The following PDE1A variants were observed in gnomAD, a reference collection of about 807,000 sequenced individuals.
The protein encoded by PDE1A is dual specificity calcium/calmodulin-dependent 3',5'-cyclic nucleotide phosphodiesterase 1A.
PDE1A carries 35 observed loss-of-function variants against 61.7 expected under a neutral mutation model. That is an observed-to-expected ratio of 0.57 (90% CI 0.43 to 0.75). PDE1A has a LOEUF of 0.75. Ranked by LOEUF, PDE1A falls within the 30% of genes least tolerant of loss-of-function variation. The probability of loss-of-function intolerance (pLI) is 0.00; values close to 1 mark genes in which losing one functional copy is unlikely to be tolerated. For missense variants in PDE1A, 597 were observed against 630.6 expected (o/e 0.95, Z 0.57); for synonymous variants, 232 against 213.2 (o/e 1.09, Z -0.77).
the PDE1A span, among the ~76,000 whole-genome samples, chr2:182,567,156 G>A: frequency 3.3e-5 from 5 of 152,150 alleles, no homozygotes; most frequent in African/African-American, 4.8e-5. Context: ...ATGCCATCTC[G>A]TAACAATTTG....
intron 1 of PDE1A, among the ~76,000 whole-genome samples, chr2:182,418,474 C>A (rs566655577): frequency 6.6e-6 from 1 of 152,262 alleles, no homozygotes; most frequent in African/African-American, 2.4e-5. Context: ...GACTACACTG[C>A]TTCATTCATA....
intron 2 of PDE1A, among the ~76,000 whole-genome samples, chr2:182,498,045 CAAAAAAAAA>C (rs57707793): frequency 1.7e-4 from 11 of 64,320 alleles, no homozygotes; most frequent in East Asian, 4.5e-4. Flanking sequence ...GATTGCGTCT[CAAAAAAAAA>C]AAAAAAAAAA....
the PDE1A span, among the ~76,000 whole-genome samples, chr2:182,610,629 T>C: frequency 6.6e-6 from 1 of 152,176 alleles, no homozygotes; most frequent in African/African-American, 2.4e-5. Flanking sequence ...GAAAATCTTT[T>C]ATTTAAATCA....
chr2:182,212,846 G>A (rs1184981552), intron 7 of PDE1A, among the ~76,000 whole-genome samples: 3 of 152,222 alleles, frequency 2.0e-5, no homozygotes, highest in South Asian at 2.1e-4. Flanking sequence ...GGGGAGGGGC[G>A]CCTGCCATTG....
chr2:182,302,825 A>G (rs1309346164), intron 1 of PDE1A, among the ~76,000 whole-genome samples: 1 of 152,088 alleles, frequency 6.6e-6, no homozygotes, highest in African/African-American at 2.4e-5. Flanking sequence ...AAGTTTTTGT[A>G]ATATTCTAAA....
chr2:182,582,302 T>C, the PDE1A span, among the ~76,000 whole-genome samples: 1 of 152,178 alleles, frequency 6.6e-6, no homozygotes, highest in South Asian at 2.1e-4. Flanking sequence ...GGCATAAAAA[T>C]TGATCAATGT....
upstream of PDE1A, among the ~76,000 whole-genome samples, chr2:182,429,767 A>G (rs1360465328): frequency 6.6e-6 from 1 of 152,126 alleles, no homozygotes; most frequent in Non-Finnish European, 1.5e-5. Flanking sequence ...GAGAAAAGGT[A>G]AGCTTTTCTT....
At chr2:182,598,810 C>T in the PDE1A span, among the ~76,000 whole-genome samples, 48 of 152,292 alleles carry the variant, frequency 3.2e-4, no homozygotes, top group African/African-American at 1.0e-3. Flanking sequence ...ACTATTACTG[C>T]GTAACAAATA....
intron 10 of PDE1A, among the ~76,000 whole-genome samples, chr2:182,194,458 G>A (rs1685967765): frequency 6.6e-6 from 1 of 152,076 alleles, no homozygotes; most frequent in Non-Finnish European, 1.5e-5. Flanking sequence ...CTGTCAGTAG[G>A]TGTGTTGATC....
intron 11 of PDE1A, 142 bp from the exon 12 acceptor site, chr2:182,186,730 G>T (rs1685237708): frequency 4.1e-6 from 3 of 732,216 alleles, no homozygotes; most frequent in Non-Finnish European, 6.7e-6. Flanking sequence ...CTTACCCTTT[G>T]TATTGTTTTA....
chr2:182,511,968 A>C (rs764328914), intron 2 of PDE1A, among the ~76,000 whole-genome samples: 41 of 152,114 alleles, frequency 2.7e-4, no homozygotes, highest in South Asian at 4.1e-4. Flanking sequence ...CCCAACATAC[A>C]TGCGTGGACC....
the PDE1A span, among the ~76,000 whole-genome samples, chr2:182,584,359 A>G: frequency 2.6e-5 from 4 of 152,314 alleles, no homozygotes; most frequent in Admixed American, 2.0e-4. Flanking sequence ...AGCCACAAGG[A>G]GTTGCAGAGA....
chr2:182,186,208 G>T, intron 12 of PDE1A, 129 bp from the exon 13 acceptor site: 1 of 953,320 alleles, frequency 1.0e-6, no homozygotes, highest in Non-Finnish European at 1.6e-6. Flanking sequence ...TTCTGAGCAC[G>T]TGGCAGCTGC....
chr2:182,626,731 A>G, the PDE1A span, among the ~76,000 whole-genome samples: 263 of 6,150 alleles, frequency 0.043, 28 homozygotes, highest in Middle Eastern at 0.38. Context: ...ATATATATAT[A>G]TATATACATA....
the PDE1A span, among the ~76,000 whole-genome samples, chr2:182,671,994 C>T: frequency 2.6e-5 from 4 of 152,096 alleles, no homozygotes; most frequent in African/African-American, 4.8e-5. Flanking sequence ...AGCTCCTCCT[C>T]GAATTCTGCC....
At chr2:182,237,442 C>T (rs1232255336) in intron 3 of PDE1A, among the ~76,000 whole-genome samples, 3 of 152,148 alleles carry the variant, frequency 2.0e-5, no homozygotes, top group Non-Finnish European at 4.4e-5. Flanking sequence ...CAAGCCACTG[C>T]ACTCCAGCCT....
chr2:182,374,389 C>T (rs528970689), intron 1 of PDE1A, among the ~76,000 whole-genome samples: 20 of 151,960 alleles, frequency 1.3e-4, no homozygotes, highest in Admixed American at 4.6e-4. Flanking sequence ...AAAGAAAATA[C>T]AGGAAAATCT....
At chr2:182,540,022 T>C in the PDE1A span, among the ~76,000 whole-genome samples, 3 of 152,158 alleles carry the variant, frequency 2.0e-5, no homozygotes, top group Non-Finnish European at 4.4e-5. Context: ...GACATTGACC[T>C]AAAGTTCCAC....
At chr2:182,177,480 G>A (rs1187638440) in intron 13 of PDE1A, among the ~76,000 whole-genome samples, 1 of 152,124 alleles carries the variant, frequency 6.6e-6, no homozygotes, top group African/African-American at 2.4e-5. Context: ...GCATAGAGGT[G>A]TTTGTAGTAT....
Sources: allele counts gnomAD v4.1 joint callset (sites outside exome capture counted in the v4.1 genomes callset), GRCh38; gene constraint gnomAD v4.1.1; transcripts MANE v1.5; gene names NCBI Gene and HGNC (gene_info 2026-07-23, HGNC 2026-07-21).